MAP2K5: variants seen among roughly 807,000 people sequenced by gnomAD.
The protein encoded by MAP2K5 is dual specificity mitogen-activated protein kinase kinase 5.
In MAP2K5, 49 loss-of-function variants were observed where a neutral mutation model predicts 83.1. The observed-to-expected ratio is 0.59, with a 90% CI of 0.47 to 0.75. The LOEUF is 0.75. Ranked by LOEUF, MAP2K5 falls within the 30% of genes least tolerant of loss-of-function variation. MAP2K5 has a pLI of 0.00. For synonymous variants in MAP2K5, 202 were observed against 191.8 expected (o/e 1.05, Z -0.44); for missense variants, 457 against 557.5 (o/e 0.82, Z 1.82).
chr15:67,662,843 C>T (rs1307990475), intron 12 of MAP2K5, among the ~76,000 whole-genome samples: 2 of 152,154 alleles, frequency 1.3e-5, no homozygotes, highest in East Asian at 3.9e-4. Flanking sequence ...AATACCTTGC[C>T]TTGTCAACAT....
intron 2 of MAP2K5, among the ~76,000 whole-genome samples, chr15:67,554,265 C>G (rs1011518073): frequency 1.1e-4 from 16 of 152,098 alleles, no homozygotes; most frequent in African/African-American, 3.9e-4. Flanking sequence ...GGCCATGTTG[C>G]CCAACCTGGT....
intron 8 of MAP2K5, among the ~76,000 whole-genome samples, chr15:67,621,434 G>GAAAAAAAAAAAAA (rs11449678): frequency 1.7e-5 from 2 of 118,966 alleles, no homozygotes; most frequent in Non-Finnish European, 1.7e-5. Flanking sequence ...ACAAAAGTTT[G>GAAAAAAAAAAAAA]AAAAAAAAAA....
chr15:67,653,650 C>CT (rs1392764806), intron 11 of MAP2K5, among the ~76,000 whole-genome samples: 12 of 152,038 alleles, frequency 7.9e-5, no homozygotes, highest in African/African-American at 2.9e-4. Context: ...TTGATTTTCT[C>CT]TATTTTTTTT....
chr15:67,756,953 C>T (rs1364342813), intron 19 of MAP2K5, among the ~76,000 whole-genome samples: 1 of 151,894 alleles, frequency 6.6e-6, no homozygotes, highest in Non-Finnish European at 1.5e-5. Context: ...ATTGACTGAT[C>T]CTTGGGTTGT....
chr15:67,657,797 C>T (rs191097635), intron 11 of MAP2K5, among the ~76,000 whole-genome samples: 23 of 151,678 alleles, frequency 1.5e-4, no homozygotes, highest in African/African-American at 3.9e-4. Context: ...TATGAATACA[C>T]GATTTTTTTA....
In MAP2K5 at chr15:67,736,742, T is replaced by A; in HGVS notation, c.1074+8797T>A. Among the ~76,000 whole-genome samples the A allele has an allele frequency of 6.6e-6, 1 of 152,230 alleles. No individual in the cohort carries two copies. Among genetic ancestry groups the A allele is most frequent in the East Asian group, 1.9e-4 (1 of 5,206 alleles). ...ATCAATTTAGCCCCCAGAAATAGAATTGAAAGTTAATGAACTTGGTGTTCA... is the reference window on the plus strand; with the variant it reads ...ATCAATTTAGCCCCCAGAAATAGAAATGAAAGTTAATGAACTTGGTGTTCA... On this transcript the variant is annotated intron_variant, in intron 17 of 21. Coordinates refer to ENST00000178640, the MANE Select transcript of MAP2K5 (RefSeq NM_145160.3). The surrounding 1 kb of genome is among the most constrained non-coding windows in gnomAD (Gnocchi z 4.3).
chr15:67,806,301 C>T (rs549985663), intron 21 of MAP2K5, among the ~76,000 whole-genome samples: 5 of 152,366 alleles, frequency 3.3e-5, no homozygotes, highest in Admixed American at 2.0e-4. Context: ...GCTGACTGGC[C>T]GTGCGAGTGA....
chr15:67,788,466 T>C (rs912084123), intron 21 of MAP2K5, among the ~76,000 whole-genome samples: 7 of 152,086 alleles, frequency 4.6e-5, no homozygotes, highest in African/African-American at 1.7e-4. Context: ...GGTAAGAGAG[T>C]CACCTTGAGC....
At chr15:67,547,077 A>AACACACAC (rs59269114) in intron 1 of MAP2K5, among the ~76,000 whole-genome samples, 35,041 of 144,010 alleles carry the variant, frequency 0.24, 4,469 homozygotes, top group African/African-American at 0.31. Context: ...AAAAGAAGAA[A>AACACACAC]ACACACACAC....
At chr15:67,659,914 A>T (rs1864863553) in intron 12 of MAP2K5, among the ~76,000 whole-genome samples, 1 of 152,120 alleles carries the variant, frequency 6.6e-6, no homozygotes, top group Non-Finnish European at 1.5e-5. Context: ...GTTCTACTGG[A>T]GTAGGAAGAC....
intron 16 of MAP2K5, among the ~76,000 whole-genome samples, chr15:67,713,823 G>C (rs964903803): frequency 6.6e-6 from 1 of 151,756 alleles, no homozygotes; most frequent in African/African-American, 2.4e-5. Flanking sequence ...TTGTCATTTT[G>C]TCATTTTCTT....
At chr15:67,733,895 A>G (rs2089281749) in intron 17 of MAP2K5, among the ~76,000 whole-genome samples, 1 of 152,220 alleles carries the variant, frequency 6.6e-6, no homozygotes, top group Non-Finnish European at 1.5e-5. Flanking sequence ...CTTGGGTAAG[A>G]GAAATGTGTG....
At chr15:67,549,039 T>C in intron 1 of MAP2K5, 1 of 1,488,532 alleles carries the variant, frequency 6.7e-7, no homozygotes, top group South Asian at 1.3e-5. Context: ...TTGGAAAGGC[T>C]GTGGGCTCCC....
chr15:67,763,322 A>G (rs1385601371), intron 19 of MAP2K5, among the ~76,000 whole-genome samples: 1 of 152,176 alleles, frequency 6.6e-6, no homozygotes, highest in Admixed American at 6.5e-5. Flanking sequence ...TGTTTTAACA[A>G]GCATTGATTG....
chr15:67,545,865 T>C (rs2084378982), intron 1 of MAP2K5, among the ~76,000 whole-genome samples: 1 of 152,112 alleles, frequency 6.6e-6, no homozygotes, highest in African/African-American at 2.4e-5. Flanking sequence ...AAGCGCTCCA[T>C]TAGTGTTGTT....
At chr15:67,767,971 A>T (rs2090072036) in intron 19 of MAP2K5, among the ~76,000 whole-genome samples, 1 of 152,152 alleles carries the variant, frequency 6.6e-6, no homozygotes, top group Non-Finnish European at 1.5e-5. Context: ...TTCTGGATGA[A>T]TAGATTAAAT....
Position 67,615,676 on chromosome 15 carries a change from A to G in MAP2K5, c.545+14927A>G, listed in dbSNP as rs993926903. On this transcript the variant is annotated intron_variant, in intron 8 of 21. Coordinates refer to ENST00000178640, the MANE Select transcript of MAP2K5 (RefSeq NM_145160.3). ...AAATTAGAGGATTAAATTTTAATTT[A>G]AAAATTTAAATTTATTTAATTTAAA... Among the ~76,000 whole-genome samples the G allele has an allele frequency of 2.0e-5, 3 of 152,138 alleles. No homozygotes were observed. The South Asian group carries it at 6.2e-4, about 31-fold the overall frequency.
rs183051411 is a variant in MAP2K5 at position 67,712,623 on chromosome 15, A to T, written c.1044+9215A>T. Among the ~76,000 whole-genome samples, 613 of 152,300 alleles carry T rather than the reference A, an allele frequency of 4.0e-3. 3 individuals are homozygous for T. The highest frequency in any genetic ancestry group is 6.9e-3 in the Non-Finnish European group (471 of 68,016). On this transcript the variant is annotated intron_variant, in intron 16 of 21. Coordinates refer to ENST00000178640, the MANE Select transcript of MAP2K5 (RefSeq NM_145160.3). ...CAGCAAGAAATAGGAGAGAAATGAA[A>T]AAAGAACCAAGTCGGCCAGGTGCAG... is the stretch of plus-strand genomic sequence containing the variant.
At position 67,786,930 on chromosome 15, in the gene MAP2K5, G is replaced by T. The variant is rs2090429347; in HGVS notation, c.1242+14178G>T. On this transcript the variant is annotated intron_variant, in intron 21 of 21. Coordinates refer to ENST00000178640, the MANE Select transcript of MAP2K5 (RefSeq NM_145160.3). This position sits in a 1 kb window ranked among gnomAD's most constrained non-coding sequence, Gnocchi z 4.7. ...GAAGACATTCCAGGGAGAGAAAATGGCACAGGCTGAGACCGGAGGGAACAA... is the reference window on the plus strand; with the variant it reads ...GAAGACATTCCAGGGAGAGAAAATGTCACAGGCTGAGACCGGAGGGAACAA... 6.6e-6 allele frequency among the ~76,000 whole-genome samples: 1 copy of T among 152,174 alleles called. No individual in the cohort carries two copies. Among genetic ancestry groups the T allele is most frequent in the Non-Finnish European group, 1.5e-5 (1 of 68,030 alleles).
Sources: allele counts gnomAD v4.1 joint callset (sites outside exome capture counted in the v4.1 genomes callset), GRCh38; gene constraint gnomAD v4.1.1; non-coding constraint Gnocchi (gnomAD v3.1); transcripts MANE v1.5; gene names NCBI Gene and HGNC (gene_info 2026-07-23, HGNC 2026-07-21).